The following RTF1 variants were observed in gnomAD, a reference collection of about 807,000 sequenced individuals.
The protein encoded by RTF1 is RNA polymerase-associated protein RTF1 homolog.
In RTF1, 10 loss-of-function variants were observed where a neutral mutation model predicts 95.7. That is an observed-to-expected ratio of 0.10 (90% confidence interval 0.06 to 0.18). RTF1 has a LOEUF of 0.18. Among genes scored for constraint, RTF1 ranks in the 10% least tolerant of loss-of-function variants. The probability of loss-of-function intolerance (pLI) is 1.00; values close to 1 mark genes in which losing one functional copy is unlikely to be tolerated. For missense variants in RTF1, 458 were observed against 875.6 expected (o/e 0.52, Z 6.02); for synonymous variants, 305 against 311.8 (o/e 0.98, Z 0.23).
intron 3 of RTF1, among the ~76,000 whole-genome samples, chr15:41,455,679 C>T (rs779158756): frequency 6.6e-6 from 1 of 151,542 alleles, no homozygotes; most frequent in Non-Finnish European, 1.5e-5. Flanking sequence ...GTGGTGCGCT[C>T]CTGTGGTCCC....
chr15:41,459,023 G>T (rs2050833148), intron 4 of RTF1, among the ~76,000 whole-genome samples: 1 of 152,080 alleles, frequency 6.6e-6, no homozygotes, highest in African/African-American at 2.4e-5. Context: ...AGTGAGCCAA[G>T]ATTATGCCAC....
chr15:41,417,372 G>T, intron 1 of RTF1, 59 bp downstream of exon 1: 6 of 1,234,738 alleles, frequency 4.9e-6, no homozygotes, highest in Non-Finnish European at 5.1e-6. Context: ...GGGGCCGCGG[G>T]AGCCGGAGAC....
At chr15:41,453,154 C>A in intron 3 of RTF1, 106 bp downstream of exon 3, 1 of 894,518 alleles carries the variant, frequency 1.1e-6, no homozygotes, top group Non-Finnish European at 1.6e-6. Context: ...TCAGCATGAC[C>A]TCTTCTTTAG....
intron 1 of RTF1, among the ~76,000 whole-genome samples, chr15:41,432,567 C>T (rs1014185574): frequency 6.6e-6 from 1 of 152,070 alleles, no homozygotes; most frequent in Non-Finnish European, 1.5e-5. Flanking sequence ...ACTTCAGTTA[C>T]AGTAACTTTT....
intron 2 of RTF1, among the ~76,000 whole-genome samples, chr15:41,443,711 G>A (rs1373063009): frequency 2.0e-5 from 3 of 151,956 alleles, no homozygotes; most frequent in Non-Finnish European, 4.4e-5. Flanking sequence ...ACCAGCCTGG[G>A]CAATATGGCA....
At chr15:41,442,352 A>G (rs2050740064) in intron 2 of RTF1, among the ~76,000 whole-genome samples, 1 of 151,816 alleles carries the variant, frequency 6.6e-6, no homozygotes, top group East Asian at 1.9e-4. Context: ...TATTTTTAAT[A>G]GAGACGGGGT....
At chr15:41,426,059 G>A (rs1157910362) in intron 1 of RTF1, among the ~76,000 whole-genome samples, 2 of 151,910 alleles carry the variant, frequency 1.3e-5, no homozygotes, top group African/African-American at 4.8e-5. Flanking sequence ...GAGGTGGGAG[G>A]ATTGCTTGAG....
At chr15:41,425,126 G>A (rs528876502) in intron 1 of RTF1, among the ~76,000 whole-genome samples, 12 of 152,076 alleles carry the variant, frequency 7.9e-5, no homozygotes, top group African/African-American at 2.6e-4. Context: ...TTTTTGAGAC[G>A]GAGTCTCGCT....
In RTF1 at chr15:41,452,248, A is replaced by C. The variant is rs139362456; in HGVS notation, c.310-653A>C. On this transcript the variant is annotated intron_variant, in intron 2 of 17. Coordinates refer to ENST00000389629, the MANE Select transcript of RTF1 (RefSeq NM_015138.5). ...CTCAGGAGTTTAAGACCAGCCTGGG[A>C]AACGTGGTGAAACCCTGTCTCTACA... is the stretch of plus-strand genomic sequence containing the variant. Among the ~76,000 whole-genome samples the C allele has an allele frequency of 2.5e-3, 381 of 149,416 alleles. 1 individual carries two copies. The highest frequency in any genetic ancestry group is 8.9e-3 in the African/African-American group (359 of 40,496).
chr15:41,426,996 C>T (rs1193388518), intron 1 of RTF1, among the ~76,000 whole-genome samples: 1 of 147,878 alleles, frequency 6.8e-6, no homozygotes, highest in East Asian at 2.1e-4. Flanking sequence ...GGCCCACCAC[C>T]ACGCCCAGCT....
intron 1 of RTF1, 94 bp downstream of exon 1, chr15:41,417,407 A>AGAGCGCCC: frequency 9.2e-7 from 1 of 1,086,858 alleles, no homozygotes; most frequent in East Asian, 3.2e-5. Context: ...CCTTCCTACC[A>AGAGCGCCC]GAGCGCCCAG....
At chr15:41,480,045 GA>G (rs1450162410) in intron 16 of RTF1, among the ~76,000 whole-genome samples, 168 bp from the exon 17 acceptor site, 1 of 152,130 alleles carries the variant, frequency 6.6e-6, no homozygotes, top group African/African-American at 2.4e-5. Flanking sequence ...GCCTTCAGGA[GA>G]GAAAGCTCTT....
intron 2 of RTF1, among the ~76,000 whole-genome samples, chr15:41,444,453 C>A (rs1393022229): frequency 6.6e-6 from 1 of 151,968 alleles, no homozygotes; most frequent in African/African-American, 2.4e-5. Flanking sequence ...GCCACCACGC[C>A]CGGCTAACTT....
intron 1 of RTF1, among the ~76,000 whole-genome samples, chr15:41,430,316 C>A (rs907586779): frequency 6.6e-6 from 1 of 151,662 alleles, no homozygotes; most frequent in African/African-American, 2.4e-5. Context: ...GCCTCAGCCT[C>A]CCAAATAGCT....
intron 1 of RTF1, among the ~76,000 whole-genome samples, chr15:41,428,092 C>CT (rs371879706): frequency 0.047 from 6,855 of 147,188 alleles, 189 homozygotes; most frequent in Non-Finnish European, 0.067. Context: ...TGGCCGCCTT[C>CT]TTTTTTTTTT....
chr15:41,477,398 C>G, intron 13 of RTF1, 60 bp from the exon 14 acceptor site: 1 of 1,610,700 alleles, frequency 6.2e-7, no homozygotes, highest in Non-Finnish European at 8.5e-7. Context: ...GAGTTCAGGG[C>G]TCAGTGGTTC....
At chr15:41,445,636 C>T (rs149875154) in intron 2 of RTF1, among the ~76,000 whole-genome samples, 4 of 151,798 alleles carry the variant, frequency 2.6e-5, no homozygotes, top group African/African-American at 9.7e-5. Flanking sequence ...GAAAGCTAAG[C>T]TATTCTTCAT....
chr15:41,423,636 T>C (rs2140944248), intron 1 of RTF1, among the ~76,000 whole-genome samples: 1 of 152,268 alleles, frequency 6.6e-6, no homozygotes, highest in South Asian at 2.1e-4. Context: ...CCCAAAGTGC[T>C]GGGATTACAG....
At chr15:41,435,899 G>A (rs936079397) in intron 1 of RTF1, among the ~76,000 whole-genome samples, 7 of 152,134 alleles carry the variant, frequency 4.6e-5, no homozygotes, top group African/African-American at 1.7e-4. Context: ...AGACTAGTAA[G>A]CCATGACTCA....
Sources: gnomAD v4.1 joint callset for allele counts (sites outside exome capture counted in the v4.1 genomes callset) on GRCh38, gnomAD v4.1.1 for gene constraint, MANE v1.5 for transcripts, NCBI Gene and HGNC (gene_info 2026-07-23, HGNC 2026-07-21) for gene names.